The following POM121 variants were observed in gnomAD, a reference collection of about 807,000 sequenced individuals.
POM121 encodes the protein nuclear envelope pore membrane protein POM 121.
POM121 carries 32 observed loss-of-function variants against 81.3 expected under a neutral mutation model. The observed-to-expected ratio is 0.39, with a 90% confidence interval of 0.30 to 0.53. The LOEUF is 0.53. POM121 is among the 20% of genes least tolerant of loss of function. POM121 has a pLI of 0.66. For synonymous variants in POM121, 514 were observed against 694.2 expected (o/e 0.74, Z 4.08); for missense variants, 1,138 against 1,614.6 (o/e 0.70, Z 5.06).
chr7:72,950,165 G>A, downstream of POM121: 1 of 1,607,900 alleles, frequency 6.2e-7, no homozygotes. Flanking sequence ...AGGAGAAAAT[G>A]CTTCCCCTTG....
intron 3 of POM121, among the ~76,000 whole-genome samples, chr7:72,908,682 T>C (rs1486445188): frequency 6.6e-6 from 1 of 152,094 alleles, no homozygotes; most frequent in African/African-American, 2.4e-5. Flanking sequence ...TTTAGAGCCC[T>C]CCCCCTAGGA....
At chr7:72,922,558 T>G (rs1488796898), upstream of POM121, among the ~76,000 whole-genome samples, 24 of 147,838 alleles carry the variant, frequency 1.6e-4, no homozygotes, top group Admixed American at 4.1e-4. Context: ...ATTTTTGTGT[T>G]TTTTTTTTTT....
chr7:72,939,490 A>T, intron 7 of POM121, 81 bp downstream of exon 7: 1 of 1,561,200 alleles, frequency 6.4e-7, no homozygotes, highest in Non-Finnish European at 8.7e-7. Context: ...TACCTATTGA[A>T]AAAAGGTCTT....
At chr7:72,937,248 C>T (rs1220846345) in intron 5 of POM121, among the ~76,000 whole-genome samples, 5 of 150,376 alleles carry the variant, frequency 3.3e-5, no homozygotes, top group African/African-American at 1.2e-4. Context: ...AGCAAGGCTC[C>T]GTCTCAAAAA....
downstream of POM121, chr7:72,949,280 G>A: frequency 1.2e-6 from 1 of 840,592 alleles, no homozygotes; most frequent in Non-Finnish European, 2.1e-6. Context: ...GTGGACCTCT[G>A]AGTCCCTCAG....
At chr7:72,899,028 G>T (rs1380648800) in intron 3 of POM121, among the ~76,000 whole-genome samples, 1 of 118,414 alleles carries the variant, frequency 8.4e-6, no homozygotes, top group Non-Finnish European at 1.6e-5. Flanking sequence ...TGTTGCCCAG[G>T]TTGGGGTGGA....
Position 72,942,199 on chromosome 7 carries a change from C to T in POM121, c.2206C>T (p.Pro736Ser), listed in dbSNP as rs1182702121. 1 of 1,610,198 alleles carries T rather than the reference C, an allele frequency of 6.2e-7. No individual in the cohort carries two copies. The highest frequency in any genetic ancestry group is 1.1e-5 in the South Asian group (1 of 90,950). ...GTTCAAGCCCATTTTCACGGCTCCA[C>T]CCAAGAGTGAGAAGGAAGGCCCCAC... ...PMFKPIFTAPPKSEKEGPTPP... is the reference protein window; with the variant it reads ...PMFKPIFTAPSKSEKEGPTPP... The change falls in exon 11 of 13, where the codon CCC becomes TCC. Residue 736 changes from proline (P) to serine (S), a missense_variant. Physicochemically the swap from Pro to Ser is moderately conservative, Grantham distance 74 (BLOSUM62 -1). Around this residue, in one of 7 missense-constraint regions of POM121, gnomAD observed 37 missense variants for 62.8 expected, o/e 0.59. Coordinates refer to ENST00000434423, the MANE Select transcript of POM121 (RefSeq NM_001387691.1).
intron 1 of POM121, among the ~76,000 whole-genome samples, chr7:72,881,639 C>CT (rs1247796337): frequency 1.3e-5 from 2 of 150,584 alleles, no homozygotes; most frequent in East Asian, 1.9e-4. Flanking sequence ...CTTTTTTTTT[C>CT]TTTTTTTTGA....
downstream of POM121, chr7:72,950,453 T>C: frequency 2.0e-6 from 1 of 504,824 alleles, no homozygotes; most frequent in South Asian, 2.2e-5. Context: ...CTCTGTAAAA[T>C]AGTAGGTGTG....
chr7:72,915,167 T>C (rs1333151000), intron 4 of POM121, among the ~76,000 whole-genome samples: 3 of 152,174 alleles, frequency 2.0e-5, no homozygotes, highest in Admixed American at 2.0e-4. Flanking sequence ...AATGTTAGAT[T>C]GTTGGGGTTA....
intron 3 of POM121, among the ~76,000 whole-genome samples, chr7:72,891,854 A>C (rs1250205532): frequency 6.6e-6 from 1 of 151,910 alleles, no homozygotes; most frequent in Non-Finnish European, 1.5e-5. Flanking sequence ...GATTTTATTT[A>C]TTTCTTTAGG....
At chr7:72,889,627 T>C (rs1254042322) in intron 1 of POM121, among the ~76,000 whole-genome samples, 15 of 152,200 alleles carry the variant, frequency 9.9e-5, no homozygotes, top group Non-Finnish European at 1.2e-4. Context: ...CTGCCTTAGC[T>C]TCCCAAGTAG....
upstream of POM121, chr7:72,924,607 T>C (rs1795162195): frequency 1.3e-5 from 2 of 153,260 alleles, no homozygotes; most frequent in Non-Finnish European, 2.9e-5. Flanking sequence ...CTAATCTACC[T>C]TCTCAGACCG....
At chr7:72,939,012 T>G (rs1554500151) in intron 6 of POM121, among the ~76,000 whole-genome samples, 1 of 152,216 alleles carries the variant, frequency 6.6e-6, no homozygotes, top group African/African-American at 2.4e-5. Context: ...ACCCCCTAGG[T>G]GCTTGCAGTT....
chr7:72,899,216 C>T (rs1478610680), intron 3 of POM121, among the ~76,000 whole-genome samples: 5 of 151,930 alleles, frequency 3.3e-5, no homozygotes, highest in African/African-American at 1.2e-4. Flanking sequence ...AACTCCTGAC[C>T]GCAGGTGTTC....
intron 3 of POM121, among the ~76,000 whole-genome samples, chr7:72,893,989 C>T (rs1170080978): frequency 1.3e-5 from 2 of 151,960 alleles, no homozygotes; most frequent in African/African-American, 4.8e-5. Context: ...GACAAGGTCT[C>T]GGCCGGGCAT....
chr7:72,898,901 C>G (rs1554492163), intron 3 of POM121, among the ~76,000 whole-genome samples: 1 of 151,082 alleles, frequency 6.6e-6, no homozygotes, highest in Non-Finnish European at 1.5e-5. Flanking sequence ...AGTTTGTCTC[C>G]GACTGGCGAG....
rs2429266 is a variant in POM121, at chr7:72,937,111, T to C, written c.1276-1479T>C. 9.1e-4 allele frequency among the ~76,000 whole-genome samples: 139 copies of C among 152,118 alleles called. 1 individual carries two copies. Among genetic ancestry groups the C allele is most frequent in the Admixed American group, 2.2e-3 (34 of 15,298 alleles). ...CTCTACTAAAGATACAAAAATTAGC[T>C]GGGTGTGGTGGCATGTTCCTGTAGT... On this transcript the variant is annotated intron_variant, in intron 5 of 12. Transcript: ENST00000434423.
intron 5 of POM121, among the ~76,000 whole-genome samples, chr7:72,931,886 T>C (rs3925335): frequency 6.6e-6 from 1 of 152,142 alleles, no homozygotes; most frequent in Non-Finnish European, 1.5e-5. Flanking sequence ...AATTTCAAAA[T>C]AGCGGTATCA....
Sources: gnomAD v4.1 joint callset for allele counts (sites outside exome capture counted in the v4.1 genomes callset) on GRCh38, gnomAD v4.1.1 for gene constraint, gnomAD v4.1.1 regional missense constraint, MANE v1.5 for transcripts, NCBI Gene and HGNC (gene_info 2026-07-23, HGNC 2026-07-21) for gene names.